DDX31: variants seen among roughly 807,000 people sequenced by gnomAD.
The protein encoded by DDX31 is ATP-dependent DNA helicase DDX31.
Under a neutral mutation model 91.3 loss-of-function variants are expected in DDX31, and 70 were observed. The observed-to-expected ratio is 0.77, with a 90% CI of 0.63 to 0.94. The LOEUF (loss-of-function observed/expected upper bound fraction) is 0.94, where lower values mean the gene tolerates loss of function less well. Among genes scored for constraint, DDX31 ranks in the 40% least tolerant of loss-of-function variants. The probability of loss-of-function intolerance (pLI) is 0.00; values close to 1 mark genes in which losing one functional copy is unlikely to be tolerated. For synonymous variants in DDX31, 362 were observed against 350.6 expected, an observed-to-expected ratio of 1.03 and a Z score of -0.36; for missense variants, 902 against 925.0, an observed-to-expected ratio of 0.98 and a Z score of 0.32.
chr9:132,663,242 A>C, intron 1 of DDX31: 2 of 1,289,068 alleles, frequency 1.6e-6, no homozygotes, highest in Non-Finnish European at 2.0e-6. Flanking sequence ...TAGCGCCTGG[A>C]TCTCTCTCAT....
At chr9:132,646,176 A>G in intron 12 of DDX31, 105 bp from the exon 13 acceptor site, 1 of 1,184,604 alleles carries the variant, frequency 8.4e-7, no homozygotes, top group Non-Finnish European at 1.2e-6. Flanking sequence ...CCATTTGGAA[A>G]TAAAGGTGAC....
At position 132,650,311 on chromosome 9, in the gene DDX31, A is replaced by T; in HGVS notation, c.676-13T>A. ...TCCAGGTGAAAGGCTACAGAAAGAC[A>T]GCAGACCACAGTCAGTGCAAAGCCC... On this transcript the variant is annotated splice_polypyrimidine_tract_variant and intron_variant, in intron 8 of 19. Coordinates refer to ENST00000372159, the MANE Select transcript of DDX31 (RefSeq NM_022779.9). 6.2e-7 allele frequency: 1 copy of T among 1,613,600 alleles called. No individual in the cohort carries two copies.
rs376816937 is a variant in DDX31 at position 132,665,210 on chromosome 9, G to A, written c.76-2515C>T. The stretch of plus-strand genomic sequence containing the variant: ...GTAAGCACTCAACAAATACTTGTAA[G>A]ATGAATGAATAACACACAATGGAAT... On this transcript the variant is annotated intron_variant, in intron 1 of 19. Transcript: ENST00000372159. Among the ~76,000 whole-genome samples the A allele has an allele frequency of 5.5e-4, 84 of 152,304 alleles. 1 individual carries two copies. The South Asian group carries it at 0.017, about 31-fold the overall frequency.
In DDX31 at chr9:132,595,022, G is replaced by C. The variant is rs150458058; in HGVS notation, c.2085C>G (p.Ala695=). 1,277 of 1,614,218 alleles carry C rather than the reference G, an allele frequency of 7.9e-4. 17 individuals carry two copies. In the Middle Eastern group the frequency reaches 0.011, roughly 14 times the overall value. Residue 695 remains alanine, a synonymous_variant, in exon 20 of 20, where the codon GCC becomes GCG. Transcript: ENST00000372159. The surrounding 1 kb of genome is among the most constrained non-coding windows in gnomAD (Gnocchi z 4.6). ...CAGGTGCGTTTTGCTTTTTGACCTTGGCGATGTCGGCCTCCATGCCGCTTG... is the reference window on the plus strand; with the variant it reads ...CAGGTGCGTTTTGCTTTTTGACCTTCGCGATGTCGGCCTCCATGCCGCTTG... ...EYSSGMEADI[A]KVKKQNAPGE...
At chr9:132,599,579 C>A (rs527598169) in intron 19 of DDX31, among the ~76,000 whole-genome samples, 45 of 152,298 alleles carry the variant, frequency 3.0e-4, no homozygotes, top group Middle Eastern at 3.4e-3. Context: ...TATATTCACT[C>A]TAAGGGGAAA....
At chr9:132,612,376 C>A in intron 18 of DDX31, 121 bp from the exon 19 acceptor site, 19 of 1,019,434 alleles carry the variant, frequency 1.9e-5, no homozygotes, top group Middle Eastern at 3.4e-4. Flanking sequence ...ATGAGCAGGA[C>A]AATTACAACA....
intron 19 of DDX31, among the ~76,000 whole-genome samples, chr9:132,600,664 A>G (rs1045676160): frequency 1.3e-5 from 2 of 152,242 alleles, no homozygotes; most frequent in African/African-American, 4.8e-5. Flanking sequence ...AGAGCCCCAG[A>G]AATGGATGGG....
chr9:132,660,072 A>C (rs1834837018), intron 4 of DDX31, among the ~76,000 whole-genome samples: 1 of 152,204 alleles, frequency 6.6e-6, no homozygotes, highest in African/African-American at 2.4e-5. Context: ...GCAGTGGCTC[A>C]CACCTGTAAT....
intron 19 of DDX31, among the ~76,000 whole-genome samples, chr9:132,600,488 C>T (rs1352766807): frequency 2.0e-5 from 3 of 152,170 alleles, no homozygotes; most frequent in Non-Finnish European, 1.5e-5. Context: ...CTCAGAACTC[C>T]GAGCCCTGGG....
Position 132,666,776 on chromosome 9 carries a change from G to A in DDX31, c.75+3084C>T, listed in dbSNP as rs983819574. Among the ~76,000 whole-genome samples the A allele has an allele frequency of 4.0e-5, 6 of 149,784 alleles. 1 individual carries two copies. In the South Asian group the frequency reaches 1.3e-3, roughly 32 times the overall value. ...GGCTGGAGTGCAGTGGCGCAATCTC[G>A]GCTCACTGCAAGCTCCGCCTCCTGG... On this transcript the variant is annotated intron_variant, in intron 1 of 19. Transcript: ENST00000372159.
intron 1 of DDX31, among the ~76,000 whole-genome samples, chr9:132,664,467 G>C (rs1292981639): frequency 6.6e-6 from 1 of 152,098 alleles, no homozygotes; most frequent in African/African-American, 2.4e-5. Context: ...CCAGCACTTT[G>C]TGAGGCTGAG....
intron 14 of DDX31, among the ~76,000 whole-genome samples, chr9:132,638,734 T>C (rs1833284919): frequency 1.3e-5 from 2 of 152,156 alleles, no homozygotes. Flanking sequence ...ATGTTTATAA[T>C]GAAAATGAAA....
chr9:132,593,993 C>T lies in DDX31; in HGVS notation c.*873G>A, dbSNP rs1283778163. 1.3e-5 allele frequency: 2 copies of T among 149,368 alleles called. No individual in the cohort carries two copies. Among genetic ancestry groups the T allele is most frequent in the African/African-American group, 2.5e-5 (1 of 40,282 alleles). The allele number at this position is 149,368 out of a possible 1,614,324, so 9.3% of individuals were successfully genotyped here. A position where few individuals can be genotyped will look rare whatever the true frequency, so the allele number is the denominator to read the frequency against. On this transcript the variant is annotated 3_prime_UTR_variant, in exon 20 of 20. Transcript: ENST00000372159. ...TATGCTCCAGGGGGCCTCTTTCAAACCTCCCAGAAAACACAATGCAGGGGC... is the reference window on the plus strand; with the variant it reads ...TATGCTCCAGGGGGCCTCTTTCAAATCTCCCAGAAAACACAATGCAGGGGC...
chr9:132,618,832 G>A (rs942681469), intron 17 of DDX31, among the ~76,000 whole-genome samples: 3 of 152,126 alleles, frequency 2.0e-5, no homozygotes, highest in Non-Finnish European at 2.9e-5. Context: ...TTTCCCTCAC[G>A]CGCATCAGTG....
At chr9:132,658,288 C>A in intron 6 of DDX31, 1 of 703,234 alleles carries the variant, frequency 1.4e-6, no homozygotes, top group Non-Finnish European at 2.6e-6. Context: ...CCATTACTTG[C>A]TGCATGGCCT....
chr9:132,596,813 G>T (rs1394033921), intron 19 of DDX31, among the ~76,000 whole-genome samples: 3 of 152,182 alleles, frequency 2.0e-5, no homozygotes, highest in Non-Finnish European at 4.4e-5. Flanking sequence ...GACTACTTCA[G>T]CAGGACAGTG....
intron 1 of DDX31, among the ~76,000 whole-genome samples, chr9:132,668,837 G>T (rs970684445): frequency 1.3e-5 from 2 of 152,146 alleles, no homozygotes; most frequent in African/African-American, 4.8e-5. Context: ...CAAAGTGCTG[G>T]GATTACAGGC....
At chr9:132,638,673 A>G (rs1050349127) in intron 14 of DDX31, among the ~76,000 whole-genome samples, 2 of 152,214 alleles carry the variant, frequency 1.3e-5, no homozygotes, top group Non-Finnish European at 2.9e-5. Context: ...ACAAAGCCAC[A>G]TTATCAGGAC....
chr9:132,668,669 G>A (rs1374273614), intron 1 of DDX31, among the ~76,000 whole-genome samples: 40 of 151,296 alleles, frequency 2.6e-4, no homozygotes, highest in Middle Eastern at 6.9e-3. Context: ...CTGGGTTCAC[G>A]CCATTCTCCT....
Sources: allele counts gnomAD v4.1 joint callset (sites outside exome capture counted in the v4.1 genomes callset), GRCh38; gene constraint gnomAD v4.1.1; non-coding constraint Gnocchi (gnomAD v3.1); transcripts MANE v1.5; gene names NCBI Gene and HGNC (gene_info 2026-07-23, HGNC 2026-07-21).